CSMD1: variants seen among roughly 807,000 people sequenced by gnomAD.
CSMD1 encodes CUB and sushi domain-containing protein 1.
In CSMD1, 213 loss-of-function variants were observed where a neutral mutation model predicts 417.5. The ratio of observed to expected loss-of-function variants is 0.51; its 90% CI spans 0.46 to 0.57. The LOEUF (loss-of-function observed/expected upper bound fraction) is 0.57. Among genes scored for constraint, CSMD1 ranks in the 20% least tolerant of loss-of-function variants. CSMD1 has a pLI of 0.00. For missense variants in CSMD1, 6,923 were observed against 4,529.7 expected (o/e 1.53, Z -15.17); for synonymous variants, 2,862 against 1,736.8 (o/e 1.65, Z -16.11).
chr8:4,065,703 G>A (rs1338497838), intron 3 of CSMD1, among the ~76,000 whole-genome samples: 1 of 152,194 alleles, frequency 6.6e-6, no homozygotes, highest in East Asian at 1.9e-4. Context: ...AACACCACAT[G>A]TATCTGTGCT....
At chr8:2,987,899 T>C (rs1228290868) in intron 54 of CSMD1, among the ~76,000 whole-genome samples, 1 of 152,112 alleles carries the variant, frequency 6.6e-6, no homozygotes, top group Admixed American at 6.5e-5. Flanking sequence ...AATTGGTTCA[T>C]TTAAGTTCTG....
chr8:3,067,131 C>G (rs1812987377), intron 49 of CSMD1, among the ~76,000 whole-genome samples: 1 of 151,994 alleles, frequency 6.6e-6, no homozygotes, highest in Admixed American at 6.6e-5. Context: ...ATGAATGGAC[C>G]CCACGTATGC....
chr8:4,122,612 G>T (rs1050643337), intron 3 of CSMD1, among the ~76,000 whole-genome samples: 2 of 152,200 alleles, frequency 1.3e-5, no homozygotes, highest in Non-Finnish European at 2.9e-5. Context: ...CTTCTGCAGA[G>T]ATGGAGGTGA....
intron 49 of CSMD1, among the ~76,000 whole-genome samples, chr8:3,067,057 C>T (rs1812980734): frequency 6.7e-6 from 1 of 149,178 alleles, no homozygotes; most frequent in Non-Finnish European, 1.5e-5. Flanking sequence ...TTCGCTCAGC[C>T]TGTGCCAGGT....
chr8:3,205,497 T>C lies in CSMD1; in HGVS notation c.4984+7A>G. ...ACAATGAATTAAAAATACAAGGACA[T>C]CCTTACCGAATTCCTTTGGTACCGT... On this transcript the variant is annotated splice_region_variant and intron_variant, in intron 31 of 69. Transcript: ENST00000635120. 1.5e-6 allele frequency: 2 copies of C among 1,339,672 alleles called. No homozygotes were observed. Among genetic ancestry groups the C allele is most frequent in the South Asian group, 1.3e-5 (1 of 77,930 alleles). The allele number at this position is 1,339,672 out of a possible 1,614,324, so 83.0% of individuals were successfully genotyped here. A position where few individuals can be genotyped will look rare whatever the true frequency, so the allele number is the denominator to read the frequency against.
At chr8:4,703,222 T>C (rs1325128915) in intron 1 of CSMD1, among the ~76,000 whole-genome samples, 1 of 152,190 alleles carries the variant, frequency 6.6e-6, no homozygotes, top group Non-Finnish European at 1.5e-5. Context: ...GCTCATACAG[T>C]GTAAACCAAC....
chr8:3,070,022 C>T (rs1350044636), intron 49 of CSMD1, among the ~76,000 whole-genome samples: 3 of 152,204 alleles, frequency 2.0e-5, no homozygotes, highest in Non-Finnish European at 4.4e-5. Flanking sequence ...CTGAGCTGCA[C>T]CTGGGCACTT....
intron 12 of CSMD1, among the ~76,000 whole-genome samples, chr8:3,445,606 G>A (rs1407442871): frequency 6.6e-6 from 1 of 152,066 alleles, no homozygotes; most frequent in Non-Finnish European, 1.5e-5. Flanking sequence ...CCACAATAAA[G>A]AAGGCCAGAA....
chr8:3,667,144 G>C (rs894417604), intron 7 of CSMD1, among the ~76,000 whole-genome samples: 3 of 152,104 alleles, frequency 2.0e-5, no homozygotes, highest in South Asian at 4.2e-4. Flanking sequence ...GTGAGGTAAA[G>C]GGGGGCTGTT....
At chr8:4,085,829 A>C (rs1346683713) in intron 3 of CSMD1, among the ~76,000 whole-genome samples, 3 of 152,174 alleles carry the variant, frequency 2.0e-5, no homozygotes, top group African/African-American at 7.2e-5. Flanking sequence ...TAGCCAGATA[A>C]AAGTTCTGTG....
chr8:3,214,760 G>C (rs1000392549), intron 29 of CSMD1, 69 bp from the exon 30 acceptor site: 1 of 1,306,878 alleles, frequency 7.7e-7, no homozygotes, highest in African/African-American at 1.5e-5. Flanking sequence ...TTTGTTTGTT[G>C]GGTTGGTTCT....
intron 3 of CSMD1, among the ~76,000 whole-genome samples, chr8:4,056,620 G>A (rs189260958): frequency 7.2e-5 from 11 of 151,738 alleles, no homozygotes; most frequent in African/African-American, 2.2e-4. Flanking sequence ...GTGCCATGCT[G>A]GGGTCCTGCA....
At chr8:4,535,627 C>T (rs1038867091) in intron 2 of CSMD1, among the ~76,000 whole-genome samples, 17 of 152,090 alleles carry the variant, frequency 1.1e-4, no homozygotes, top group African/African-American at 3.6e-4. Context: ...AATATAGTTC[C>T]AAATCATTCT....
At chr8:4,131,832 G>A (rs759745093) in intron 3 of CSMD1, among the ~76,000 whole-genome samples, 3 of 126,502 alleles carry the variant, frequency 2.4e-5, no homozygotes, top group South Asian at 2.7e-4. Context: ...GTGCGATCCC[G>A]GCTCACTGCA....
intron 5 of CSMD1, among the ~76,000 whole-genome samples, chr8:3,787,301 T>G (rs1010435815): frequency 3.9e-5 from 6 of 152,172 alleles, no homozygotes. Flanking sequence ...AAAATTGATT[T>G]CATGGATATT....
At chr8:3,622,388 C>G (rs1796296817) in intron 7 of CSMD1, among the ~76,000 whole-genome samples, 1 of 152,134 alleles carries the variant, frequency 6.6e-6, no homozygotes, top group Admixed American at 6.5e-5. Flanking sequence ...CCACAATACC[C>G]AAACTGGTTG....
chr8:2,989,444 A>G (rs1456150251), intron 54 of CSMD1, among the ~76,000 whole-genome samples: 1 of 152,366 alleles, frequency 6.6e-6, no homozygotes. Context: ...TGACATGCCA[A>G]TGATGGTCCA....
chr8:4,375,667 G>C (rs529029319), intron 3 of CSMD1, among the ~76,000 whole-genome samples: 2 of 152,084 alleles, frequency 1.3e-5, no homozygotes, highest in Admixed American at 1.3e-4. Context: ...GGATAAGGGA[G>C]GAATGCCCAC....
At chr8:4,802,536 T>C (rs183649910) in intron 1 of CSMD1, among the ~76,000 whole-genome samples, 1 of 152,164 alleles carries the variant, frequency 6.6e-6, no homozygotes, top group African/African-American at 2.4e-5. Context: ...TCCAAGCAAC[T>C]TGAAACTTTA....
Sources: gnomAD v4.1 joint callset for allele counts (sites outside exome capture counted in the v4.1 genomes callset) on GRCh38, gnomAD v4.1.1 for gene constraint, MANE v1.5 for transcripts, NCBI Gene and HGNC (gene_info 2026-07-23, HGNC 2026-07-21) for gene names.